ADAM2: variants seen among roughly 807,000 people sequenced by gnomAD.
ADAM2 encodes the protein disintegrin and metalloproteinase domain-containing protein 2.
Under a neutral mutation model 99.3 loss-of-function variants are expected in ADAM2, and 101 were observed. The ratio of observed to expected loss-of-function variants is 1.02; its 90% CI spans 0.87 to 1.20. ADAM2 has a LOEUF of 1.20. Ranked by LOEUF, ADAM2 falls within the 50% of genes most tolerant of loss-of-function variation. The probability of loss-of-function intolerance (pLI) is 0.00; values close to 1 mark genes in which losing one functional copy is unlikely to be tolerated. For synonymous variants in ADAM2, 323 were observed against 287.6 expected (o/e 1.12, Z -1.25); for missense variants, 948 against 878.7 (o/e 1.08, Z -1.00).
intron 11 of ADAM2, among the ~76,000 whole-genome samples, chr8:39,773,353 G>A (rs1434838064): frequency 6.6e-6 from 1 of 151,700 alleles, no homozygotes; most frequent in Non-Finnish European, 1.5e-5. Context: ...AAGAAGGGAG[G>A]TTATTTGAAT....
chr8:39,788,338 A>C, intron 8 of ADAM2, 87 bp from the exon 9 acceptor site: 1 of 823,258 alleles, frequency 1.2e-6, no homozygotes, highest in Non-Finnish European at 1.8e-6. Context: ...TTTATGATAA[A>C]TATTAAACAA....
intron 4 of ADAM2, among the ~76,000 whole-genome samples, chr8:39,822,655 G>C (rs908563866): frequency 6.6e-6 from 1 of 151,942 alleles, no homozygotes; most frequent in African/African-American, 2.4e-5. Context: ...TATTAGAAGA[G>C]AAGTGTTTAA....
intron 18 of ADAM2, 88 bp downstream of exon 18, chr8:39,749,223 TA>T: frequency 1.6e-6 from 2 of 1,228,924 alleles, no homozygotes; most frequent in Non-Finnish European, 2.3e-6. Flanking sequence ...AGTCTAGATA[TA>T]AATTGGTAGA....
chr8:39,767,020 A>G lies in ADAM2; in HGVS notation c.1335T>C (p.Cys445=). The change falls in exon 14 of 21, where the codon TGT becomes TGC. Residue 445 remains cysteine, a synonymous_variant. Coordinates refer to ENST00000265708, the MANE Select transcript of ADAM2 (RefSeq NM_001464.5). ...GGTCGCATTCTTCAAAGGAAGGCCT[A>G]CACATTCTTTCTTTTGACATAAACT... ...NCLFMSKERM[C]RPSFEECDLP... is the part of the protein sequence containing the mutation. 6.2e-7 allele frequency: 1 copy of G among 1,614,034 alleles called. No individual in the cohort carries two copies. Among genetic ancestry groups the G allele is most frequent in the Non-Finnish European group, 8.5e-7 (1 of 1,179,928 alleles).
chr8:39,746,748 A>T (rs1212399632), intron 18 of ADAM2, 117 bp from the exon 19 acceptor site: 1 of 807,616 alleles, frequency 1.2e-6, no homozygotes, highest in African/African-American at 1.8e-5. Flanking sequence ...TAATTTAAAA[A>T]TTAACATATT....
chr8:39,819,355 T>C (rs987799954), intron 6 of ADAM2, among the ~76,000 whole-genome samples: 1 of 152,002 alleles, frequency 6.6e-6, no homozygotes, highest in African/African-American at 2.4e-5. Flanking sequence ...CCTCATCCAA[T>C]AAAAAATATT....
chr8:39,804,964 A>G (rs1804376925), intron 7 of ADAM2, among the ~76,000 whole-genome samples: 1 of 152,162 alleles, frequency 6.6e-6, no homozygotes, highest in South Asian at 2.1e-4. Flanking sequence ...TAACAAAAAT[A>G]TCACAAGCTG....
At chr8:39,822,887 G>A (rs1255351300) in intron 4 of ADAM2, among the ~76,000 whole-genome samples, 1 of 152,084 alleles carries the variant, frequency 6.6e-6, no homozygotes, top group East Asian at 1.9e-4. Context: ...TCCTGCCTCA[G>A]CCTCCTGAGT....
At chr8:39,745,205 C>T (rs1823397796) in intron 19 of ADAM2, among the ~76,000 whole-genome samples, 1 of 152,040 alleles carries the variant, frequency 6.6e-6, no homozygotes, top group Non-Finnish European at 1.5e-5. Context: ...CATTTTCAAC[C>T]CTATTAATTT....
At chr8:39,837,096 C>G in intron 2 of ADAM2, 40 bp downstream of exon 2, 6 of 1,480,788 alleles carry the variant, frequency 4.1e-6, no homozygotes, top group Non-Finnish European at 5.6e-6. Context: ...AAAATCTTTA[C>G]ATCATTTTAA....
At chr8:39,746,189 C>A (rs570389762) in intron 19 of ADAM2, among the ~76,000 whole-genome samples, 13 of 152,146 alleles carry the variant, frequency 8.5e-5, no homozygotes, top group Non-Finnish European at 1.6e-4. Flanking sequence ...CCACGCCTGG[C>A]TAATTTTTGT....
intron 3 of ADAM2, among the ~76,000 whole-genome samples, chr8:39,828,838 A>T (rs1805513545): frequency 1.3e-5 from 2 of 151,908 alleles, no homozygotes; most frequent in Admixed American, 1.3e-4. Context: ...ACTGGATGCT[A>T]ATTTGAAAGA....
chr8:39,800,609 C>T lies in ADAM2; in HGVS notation c.570+8801G>A, dbSNP rs553003183. Among the ~76,000 whole-genome samples the T allele has an allele frequency of 1.6e-4, 25 of 152,304 alleles. 1 individual carries two copies. Among genetic ancestry groups the T allele is most frequent in the Middle Eastern group, 3.4e-3 (1 of 294 alleles). ...TAAGGAAGTTCTCCTGGATAATATA[C>T]TGAAGTGTGTTTTCCAGCTTGCTTC... On this transcript the variant is annotated intron_variant, in intron 7 of 20. Coordinates refer to ENST00000265708, the MANE Select transcript of ADAM2 (RefSeq NM_001464.5).
chr8:39,753,285 G>A (rs1162194181), intron 16 of ADAM2, among the ~76,000 whole-genome samples: 1 of 152,132 alleles, frequency 6.6e-6, no homozygotes, highest in South Asian at 2.1e-4. Context: ...GCAGCATTTT[G>A]CCCCTGCCCT....
chr8:39,787,069 AG>A lies in ADAM2; in HGVS notation c.810-15del. On this transcript the variant is annotated splice_polypyrimidine_tract_variant and intron_variant, in intron 9 of 20. Coordinates refer to ENST00000265708, the MANE Select transcript of ADAM2 (RefSeq NM_001464.5). ...TTTTCTCTGTAACTTAAGTTTAAAA[AG>A]GGATCATAATCATATAATTTTGTAA... is the stretch of plus-strand genomic sequence containing the variant. The A allele has an allele frequency of 6.6e-7, 1 of 1,519,750 alleles. No homozygotes were observed. Among genetic ancestry groups the A allele is most frequent in the Non-Finnish European group, 9.0e-7 (1 of 1,107,160 alleles). The allele number at this position is 1,519,750 out of a possible 1,614,324, so 94.1% of individuals were successfully genotyped here.
At chr8:39,768,150 A>G (rs899155453) in intron 12 of ADAM2, among the ~76,000 whole-genome samples, 1 of 152,158 alleles carries the variant, frequency 6.6e-6, no homozygotes, top group Non-Finnish European at 1.5e-5. Context: ...CAGTGGTTTA[A>G]GCCTCAATTA....
chr8:39,827,290 G>A (rs1360238252), intron 3 of ADAM2, among the ~76,000 whole-genome samples: 1 of 152,142 alleles, frequency 6.6e-6, no homozygotes, highest in African/African-American at 2.4e-5. Flanking sequence ...TGGTGGAAAT[G>A]TAAATTAGTA....
At position 39,804,764 on chromosome 8, in the gene ADAM2, G is replaced by C. The variant is rs1056778943; in HGVS notation, c.570+4646C>G. Among the ~76,000 whole-genome samples, 6 of 152,268 alleles carry C rather than the reference G, an allele frequency of 3.9e-5. 1 individual carries two copies. Among genetic ancestry groups the C allele is most frequent in the Admixed American group, 6.5e-5 (1 of 15,296 alleles). ...TTCAGTAAAAAATAAGTATGGTAAAGTTTAAAAATAGCTTCATATTTTTGG... is the reference window on the plus strand; with the variant it reads ...TTCAGTAAAAAATAAGTATGGTAAACTTTAAAAATAGCTTCATATTTTTGG... On this transcript the variant is annotated intron_variant, in intron 7 of 20. Transcript: ENST00000265708.
intron 2 of ADAM2, among the ~76,000 whole-genome samples, chr8:39,835,836 G>T (rs1243997493): frequency 6.6e-6 from 1 of 151,766 alleles, no homozygotes; most frequent in Non-Finnish European, 1.5e-5. Context: ...TAAAAATACT[G>T]TTAATTCATT....
Sources: gnomAD v4.1 joint callset for allele counts (sites outside exome capture counted in the v4.1 genomes callset) on GRCh38, gnomAD v4.1.1 for gene constraint, MANE v1.5 for transcripts, NCBI Gene and HGNC (gene_info 2026-07-23, HGNC 2026-07-21) for gene names.